CXXC5: variants seen among roughly 807,000 people sequenced by gnomAD.
CXXC5 encodes the protein CXXC-type zinc finger protein 5.
Under a neutral mutation model 17.6 loss-of-function variants are expected in CXXC5, and 2 were observed. The ratio of observed to expected loss-of-function variants is 0.11; its 90% CI spans 0.05 to 0.36. CXXC5 has a LOEUF of 0.36. Among genes scored for constraint, CXXC5 ranks in the 10% least tolerant of loss-of-function variants. The probability of loss-of-function intolerance (pLI) is 1.00; values close to 1 mark genes in which losing one functional copy is unlikely to be tolerated. For missense variants in CXXC5, 343 were observed against 458.3 expected, an observed-to-expected ratio of 0.75 and a Z score of 2.30; for synonymous variants, 171 against 193.0, an observed-to-expected ratio of 0.89 and a Z score of 0.94.
At chr5:139,672,107 A>G (rs974140679) in intron 1 of CXXC5, among the ~76,000 whole-genome samples, 6 of 151,668 alleles carry the variant, frequency 4.0e-5, no homozygotes, top group East Asian at 1.9e-4. Flanking sequence ...TTTTTTATTT[A>G]TTTGTTTGTT....
intron 1 of CXXC5, among the ~76,000 whole-genome samples, chr5:139,674,242 T>G (rs1756651227): frequency 6.6e-6 from 1 of 152,158 alleles, no homozygotes; most frequent in Non-Finnish European, 1.5e-5. Context: ...GGCTGAATCA[T>G]GGAAATCAGA....
Position 139,668,720 on chromosome 5 carries a change from GA to G in CXXC5, c.-160-11643del, listed in dbSNP as rs1756273816. 6.6e-6 allele frequency among the ~76,000 whole-genome samples: 1 copy of G among 152,220 alleles called. No individual in the cohort carries two copies. The highest frequency in any genetic ancestry group is 1.5e-5 in the Non-Finnish European group (1 of 68,044). On this transcript the variant is annotated intron_variant, in intron 1 of 2. Coordinates refer to ENST00000302517, the MANE Select transcript of CXXC5 (RefSeq NM_016463.9). This position sits in a 1 kb window ranked among gnomAD's most constrained non-coding sequence, Gnocchi z 4.1. Reference sequence around the variant, plus strand: ...GGAGGCTCTCTTCAGTCTCGGGAGAGATATGCTTATCCCAGGCGGAGCGGAG... The same window carrying G: ...GGAGGCTCTCTTCAGTCTCGGGAGAGTATGCTTATCCCAGGCGGAGCGGAG...
intron 1 of CXXC5, among the ~76,000 whole-genome samples, chr5:139,675,276 A>T (rs1389959354): frequency 2.6e-5 from 4 of 152,212 alleles, no homozygotes; most frequent in Admixed American, 2.6e-4. Context: ...GCACTATGTC[A>T]TCCCAGGATG....
intron 1 of CXXC5, among the ~76,000 whole-genome samples, chr5:139,666,076 G>A (rs1028280731): frequency 2.0e-5 from 3 of 152,128 alleles, no homozygotes; most frequent in East Asian, 1.9e-4. Context: ...GGACATTATC[G>A]GGCCAGTGTG....
chr5:139,671,495 T>C (rs1021020770), intron 1 of CXXC5, among the ~76,000 whole-genome samples: 3 of 152,152 alleles, frequency 2.0e-5, no homozygotes, highest in African/African-American at 7.2e-5. Context: ...CTCAAAACCC[T>C]GGGCCAGCCG....
At chr5:139,673,037 G>A (rs972836960) in intron 1 of CXXC5, among the ~76,000 whole-genome samples, 2 of 152,154 alleles carry the variant, frequency 1.3e-5, no homozygotes, top group Non-Finnish European at 2.9e-5. Flanking sequence ...GAGGGGGTAC[G>A]TGGGCCTGAT....
chr5:139,673,486 G>A (rs1370365750), intron 1 of CXXC5, among the ~76,000 whole-genome samples: 9 of 152,190 alleles, frequency 5.9e-5, no homozygotes, highest in Non-Finnish European at 1.2e-4. Context: ...CGGGGCCTCA[G>A]TGTTGCTGTG....
chr5:139,682,835 C>G, intron 2 of CXXC5, 28 bp from the exon 3 acceptor site: 5 of 1,583,492 alleles, frequency 3.2e-6, no homozygotes, highest in Non-Finnish European at 4.3e-6. Context: ...TGAACTCTCT[C>G]CTTGTTTTTG....
chr5:139,668,027 C>G lies in CXXC5; in HGVS notation c.-160-12337C>G, dbSNP rs984093861. Among the ~76,000 whole-genome samples, 1 of 152,104 alleles carries G rather than the reference C, an allele frequency of 6.6e-6. No individual in the cohort carries two copies. The highest frequency in any genetic ancestry group is 1.5e-5 in the Non-Finnish European group (1 of 68,016). ...GGTTTTAATTTTTGCTGCAGGGTCCCACCTGCCCGAGGCCTCCCAGCCCCT... is the reference window on the plus strand; with the variant it reads ...GGTTTTAATTTTTGCTGCAGGGTCCGACCTGCCCGAGGCCTCCCAGCCCCT... On this transcript the variant is annotated intron_variant, in intron 1 of 2. Coordinates refer to ENST00000302517, the MANE Select transcript of CXXC5 (RefSeq NM_016463.9). The surrounding 1 kb of genome is among the most constrained non-coding windows in gnomAD (Gnocchi z 4.1).
intron 1 of CXXC5, among the ~76,000 whole-genome samples, chr5:139,672,227 C>T (rs1399402894): frequency 6.6e-6 from 1 of 152,194 alleles, no homozygotes; most frequent in East Asian, 1.9e-4. Context: ...AGGCAATTCT[C>T]CTGCCTCAGC....
chr5:139,671,637 G>A (rs1258212705), intron 1 of CXXC5, among the ~76,000 whole-genome samples: 1 of 152,212 alleles, frequency 6.6e-6, no homozygotes, highest in Non-Finnish European at 1.5e-5. Flanking sequence ...CGGAATGCCC[G>A]GAGCTCTGGC....
intron 2 of CXXC5, 33 bp downstream of exon 2, chr5:139,681,480 C>T (rs1757233915): frequency 5.2e-6 from 8 of 1,529,414 alleles, no homozygotes; most frequent in Admixed American, 2.0e-5. Flanking sequence ...TGTGTGGGCT[C>T]TTGTGTCTGT....
rs913796535 is a variant in CXXC5 at position 139,661,435 on chromosome 5, A to G, written c.-161+12590A>G. On this transcript the variant is annotated intron_variant, in intron 1 of 2. Transcript: ENST00000302517. This position sits in a 1 kb window ranked among gnomAD's most constrained non-coding sequence, Gnocchi z 4.7. Reference sequence around the variant, plus strand: ...AGCACACCCAGCCGACACGCGTGGTACAGACTCGGTCACATGCACCATGCA... The same window carrying G: ...AGCACACCCAGCCGACACGCGTGGTGCAGACTCGGTCACATGCACCATGCA... Among the ~76,000 whole-genome samples, 3 of 152,206 alleles carry G rather than the reference A, an allele frequency of 2.0e-5. No homozygotes were observed. Among genetic ancestry groups the G allele is most frequent in the Admixed American group, 6.5e-5 (1 of 15,284 alleles).
chr5:139,650,131 T>A (rs1755086543), intron 1 of CXXC5, among the ~76,000 whole-genome samples: 1 of 152,204 alleles, frequency 6.6e-6, no homozygotes, highest in Admixed American at 6.5e-5. Flanking sequence ...GTTGGGCTGG[T>A]GCCTCGGGCT....
intron 2 of CXXC5, among the ~76,000 whole-genome samples, chr5:139,681,821 G>A (rs968555964): frequency 1.3e-5 from 2 of 152,218 alleles, no homozygotes; most frequent in East Asian, 1.9e-4. Context: ...CCATGACCTA[G>A]AACTCTGGGT....
At chr5:139,650,489 G>C (rs1755106810) in intron 1 of CXXC5, among the ~76,000 whole-genome samples, 1 of 152,230 alleles carries the variant, frequency 6.6e-6, no homozygotes, top group Non-Finnish European at 1.5e-5. Flanking sequence ...AGCCGCCCCA[G>C]GGCCGCCGGC....
At position 139,661,443 on chromosome 5, in the gene CXXC5, G is replaced by C. The variant is rs1409744472; in HGVS notation, c.-161+12598G>C. Among the ~76,000 whole-genome samples the C allele has an allele frequency of 6.6e-6, 1 of 152,148 alleles. No individual in the cohort carries two copies. Among genetic ancestry groups the C allele is most frequent in the Non-Finnish European group, 1.5e-5 (1 of 68,036 alleles). ...CAGCCGACACGCGTGGTACAGACTC[G>C]GTCACATGCACCATGCACACACAGC... is the stretch of plus-strand genomic sequence containing the variant. On this transcript the variant is annotated intron_variant, in intron 1 of 2. Coordinates refer to ENST00000302517, the MANE Select transcript of CXXC5 (RefSeq NM_016463.9). This position sits in a 1 kb window ranked among gnomAD's most constrained non-coding sequence, Gnocchi z 4.7.
At chr5:139,669,006 T>C (rs1395204934) in intron 1 of CXXC5, among the ~76,000 whole-genome samples, 1 of 152,172 alleles carries the variant, frequency 6.6e-6, no homozygotes, top group Non-Finnish European at 1.5e-5. Flanking sequence ...AGGTAATGTC[T>C]GGACCTAGCA....
At chr5:139,648,322 T>G (rs1344089431), upstream of CXXC5, 4 of 155,466 alleles carry the variant, frequency 2.6e-5, no homozygotes, top group South Asian at 1.7e-4. Flanking sequence ...GCAGCGTTCA[T>G]AGCTCCTGCC....
Sources: allele counts gnomAD v4.1 joint callset (sites outside exome capture counted in the v4.1 genomes callset), GRCh38; gene constraint gnomAD v4.1.1; non-coding constraint Gnocchi (gnomAD v3.1); transcripts MANE v1.5; gene names NCBI Gene and HGNC (gene_info 2026-07-23, HGNC 2026-07-21).